Variants in FN1 observed in about 807,000 individuals in gnomAD.
FN1 encodes the protein fibronectin.
FN1 carries 106 observed loss-of-function variants against 297.3 expected under a neutral mutation model. The ratio of observed to expected loss-of-function variants is 0.36; its 90% CI spans 0.30 to 0.42. The LOEUF (loss-of-function observed/expected upper bound fraction) is 0.42, where lower values mean the gene tolerates loss of function less well. Ranked by LOEUF, FN1 falls within the 10% of genes least tolerant of loss-of-function variation. FN1 has a pLI of 1.00. For missense variants in FN1, 2,690 were observed against 3,124.9 expected (o/e 0.86, Z 3.32); for synonymous variants, 1,149 against 1,152.6 (o/e 1.00, Z 0.06).
At position 215,434,758 on chromosome 2, in the gene FN1, T is replaced by C. The variant is rs545641529; in HGVS notation, c.215A>G (p.Asn72Ser). 2 of 1,614,088 alleles carry C rather than the reference T, an allele frequency of 1.2e-6. No individual in the cohort carries two copies. The highest frequency in any genetic ancestry group is 2.2e-5 in the East Asian group (1 of 44,874). ...TCCATAACAAGTACAAACCAACGCA[T>C]TGCCTAGGTAGGTCCGCTCCCACTG... ...NQQWERTYLG[N>S]ALVCTCYGGS... Residue 72 changes from asparagine to serine, a missense_variant, in exon 2 of 46, where the codon AAT becomes AGT. Transcript: ENST00000354785.
intron 6 of FN1, 47 bp from the exon 7 acceptor site, chr2:215,425,332 A>G: frequency 6.4e-7 from 1 of 1,554,030 alleles, no homozygotes; most frequent in Non-Finnish European, 8.9e-7. Flanking sequence ...GAGAGAAGAC[A>G]ATTCACTACT....
At chr2:215,394,884 G>A (rs1040292514) in intron 23 of FN1, among the ~76,000 whole-genome samples, 165 bp from the exon 24 acceptor site, 1 of 152,144 alleles carries the variant, frequency 6.6e-6, no homozygotes, top group Admixed American at 6.5e-5. Flanking sequence ...CTTTCAGGCA[G>A]TACTAAGATC....
In FN1 at chr2:215,432,055, G is replaced by T; in HGVS notation, c.416-91C>A. ...CCACCCATGGTAGGTACTTAGGTTG[G>T]CTAAAGTAGAGACACAGACAACAGC... On this transcript the variant is annotated intron_variant, in intron 3 of 45. Transcript: ENST00000354785. 2.0e-6 allele frequency: 3 copies of T among 1,507,474 alleles called. No homozygotes were observed. In the South Asian group the frequency reaches 3.4e-5, roughly 17 times the overall value. The allele number at this position is 1,507,474 out of a possible 1,614,324, so 93.4% of individuals were successfully genotyped here.
chr2:215,392,590 T>TAA (rs891801898), intron 25 of FN1: 1 of 347,578 alleles, frequency 2.9e-6, no homozygotes, highest in South Asian at 2.6e-5. Flanking sequence ...AATTGGTACT[T>TAA]ACGCAATTTG....
chr2:215,423,724 C>A (rs1050401607), intron 8 of FN1, among the ~76,000 whole-genome samples, 198 bp from the exon 9 acceptor site: 1 of 150,934 alleles, frequency 6.6e-6, no homozygotes, highest in Non-Finnish European at 1.5e-5. Flanking sequence ...GGTTTAAATC[C>A]CACTTTCACT....
rs6435906 is a variant in FN1 at position 215,404,917 on chromosome 2, G to A, written c.2987-262C>T. On this transcript the variant is annotated intron_variant, in intron 19 of 45. Transcript: ENST00000354785. ...AGTCTAATTTTCCAGCAAGACTTTC[G>A]CATCAGTCTCAGAAATTATAGTTAC... Among the ~76,000 whole-genome samples the A allele has an allele frequency of 0.33, 50,844 of 151,944 alleles. 9,211 individuals carry two copies. Among genetic ancestry groups the A allele is most frequent in the South Asian group, 0.49 (2,342 of 4,814 alleles).
chr2:215,435,692 A>C lies in FN1; in HGVS notation c.111T>G (p.Val37=). The C allele has an allele frequency of 1.2e-6, 2 of 1,613,196 alleles. No individual in the cohort carries two copies. Among genetic ancestry groups the C allele is most frequent in the Non-Finnish European group, 1.7e-6 (2 of 1,179,894 alleles). ...TGACAGCCACCGGGGACTGGGGCTG[A>C]ACCATTTGCTGAGCCTGCCTCTTGC... The part of the protein sequence containing the change: ...SKSKRQAQQM[V]QPQSPVAVSQ... The change falls in exon 1 of 46, where the codon GTT becomes GTG. Residue 37 remains valine, a synonymous_variant. Transcript: ENST00000354785.
At chr2:215,395,367 G>A (rs2060190536) in intron 23 of FN1, among the ~76,000 whole-genome samples, 1 of 152,102 alleles carries the variant, frequency 6.6e-6, no homozygotes, top group East Asian at 1.9e-4. Context: ...GTAAAACCCT[G>A]TCTCTACTAA....
chr2:215,382,457 G>T lies in FN1; in HGVS notation c.5051-132C>A, dbSNP rs1032561861. On this transcript the variant is annotated intron_variant, in intron 31 of 45. Coordinates refer to ENST00000354785, the MANE Select transcript of FN1 (RefSeq NM_212482.4). ...TTTGCAGAATTGTAACAAAAATATG[G>T]AGAGTCAGACTTTGATTTCCTCTTG... The T allele has an allele frequency of 1.9e-5, 13 of 684,146 alleles. No individual in the cohort carries two copies. In the African/African-American group the frequency reaches 2.3e-4, roughly 12 times the overall value. The allele number at this position is 684,146 out of a possible 1,614,324, so 42.4% of individuals were successfully genotyped here. A position where few individuals can be genotyped will look rare whatever the true frequency, so the allele number is the denominator to read the frequency against.
intron 20 of FN1, among the ~76,000 whole-genome samples, chr2:215,401,444 G>A (rs145730589): frequency 1.2e-4 from 18 of 152,216 alleles, no homozygotes; most frequent in South Asian, 2.1e-4. Context: ...AGGTAAGATC[G>A]CAGAAGGCCA....
chr2:215,423,621 A>C, intron 8 of FN1, 95 bp from the exon 9 acceptor site: 1 of 1,110,006 alleles, frequency 9.0e-7, no homozygotes, highest in Admixed American at 1.9e-5. Context: ...AGGTTTCTGC[A>C]GCTCATTCAC....
chr2:215,408,487 A>G lies in FN1; in HGVS notation c.2300-61T>C, dbSNP rs553291755. 3.3e-6 allele frequency: 5 copies of G among 1,521,254 alleles called. No homozygotes were observed. In the Admixed American group the frequency reaches 8.4e-5, roughly 25 times the overall value. 94.2% of individuals were successfully genotyped at this position (1,521,254 alleles called of 1,614,324 possible). The stretch of plus-strand genomic sequence containing the variant: ...AAACTAGTCCCTCAAATGACTCTAC[A>G]GCTTATAAGAAGGATATTTTAAGAA... On this transcript the variant is annotated intron_variant, in intron 15 of 45. Transcript: ENST00000354785.
At chr2:215,420,379 G>A (rs1486581300) in intron 11 of FN1, among the ~76,000 whole-genome samples, 3 of 147,754 alleles carry the variant, frequency 2.0e-5, no homozygotes, top group Non-Finnish European at 4.5e-5. Flanking sequence ...AAAAAAAAAA[G>A]GAAAGAATAC....
intron 5 of FN1, among the ~76,000 whole-genome samples, chr2:215,430,486 T>C (rs1171116432): frequency 6.6e-6 from 1 of 152,224 alleles, no homozygotes; most frequent in African/African-American, 2.4e-5. Context: ...TCTATGTCAG[T>C]GGCAGTGAGC....
intron 39 of FN1, chr2:215,372,617 G>A: frequency 5.5e-6 from 3 of 549,354 alleles, no homozygotes; most frequent in Non-Finnish European, 9.8e-6. Flanking sequence ...CATACACACA[G>A]CTTTAAACCG....
In FN1 at chr2:215,369,215, T is replaced by TAA. The variant is rs58108373; in HGVS notation, c.6853+1077_6853+1078dup. Among the ~76,000 whole-genome samples the TAA allele has an allele frequency of 6.5e-3, 896 of 138,008 alleles. 10 individuals carry two copies. The highest frequency in any genetic ancestry group is 0.016 in the African/African-American group (604 of 38,008). 90.5% of individuals were successfully genotyped at this position (138,008 alleles called of 152,430 possible). On this transcript the variant is annotated intron_variant, in intron 41 of 45. Coordinates refer to ENST00000354785, the MANE Select transcript of FN1 (RefSeq NM_212482.4). ...ACTAAAGTTAAAGAGATGGAATCTT[T>TAA]AAAAAAAAAAAAAAAAAATGACTTA...
Position 215,435,733 on chromosome 2 carries a change from T to C in FN1, c.70A>G (p.Thr24Ala), listed in dbSNP as rs2067367116. ...VQCLGTAVPS[T>A]GASKSKRQAQ... Reference sequence around the variant, plus strand: ...TGCCTCTTGCTCTTCGAGGCTCCCGTGGAGGGCACCGCTGTCCCCAGGCAC... The same window carrying C: ...TGCCTCTTGCTCTTCGAGGCTCCCGCGGAGGGCACCGCTGTCCCCAGGCAC... The change falls in exon 1 of 46, where the codon ACG (threonine) becomes GCG (alanine). Residue 24 changes from threonine to alanine, a missense_variant. This residue lies in a region of FN1 where 876 missense variants were observed against 1,058.1 expected (regional missense o/e 0.83). Coordinates refer to ENST00000354785, the MANE Select transcript of FN1 (RefSeq NM_212482.4). 1 of 1,608,240 alleles carries C rather than the reference T, an allele frequency of 6.2e-7. No homozygotes were observed. Among genetic ancestry groups the C allele is most frequent in the Non-Finnish European group, 8.5e-7 (1 of 1,177,956 alleles).
chr2:215,403,320 A>T (rs2061369663), intron 20 of FN1, among the ~76,000 whole-genome samples: 1 of 152,198 alleles, frequency 6.6e-6, no homozygotes, highest in South Asian at 2.1e-4. Context: ...TTAAAGTATG[A>T]ATTCTTATGG....
At chr2:215,423,597 G>T in intron 8 of FN1, 71 bp from the exon 9 acceptor site, 1 of 1,428,048 alleles carries the variant, frequency 7.0e-7, no homozygotes, top group Middle Eastern at 1.8e-4. Flanking sequence ...CAGAATTACT[G>T]GTCTGAGAGA....
Sources: gnomAD v4.1 joint callset for allele counts (sites outside exome capture counted in the v4.1 genomes callset) on GRCh38, gnomAD v4.1.1 for gene constraint, gnomAD v4.1.1 regional missense constraint, MANE v1.5 for transcripts, NCBI Gene and HGNC (gene_info 2026-07-23, HGNC 2026-07-21) for gene names.